The following PPM1D variants were observed in gnomAD, a reference collection of about 807,000 sequenced individuals.
The protein encoded by PPM1D is protein phosphatase 1D.
A neutral mutation model predicts 58.3 loss-of-function variants in PPM1D; 52 were observed. The ratio of observed to expected loss-of-function variants is 0.89; its 90% confidence interval spans 0.71 to 1.12. PPM1D has a LOEUF of 1.12. Among genes scored for constraint, PPM1D ranks in the 50% most tolerant of loss-of-function variants. PPM1D has a pLI of 0.00. For missense variants in PPM1D, 564 were observed against 777.2 expected (o/e 0.73, Z 3.26); for synonymous variants, 278 against 285.1 (o/e 0.98, Z 0.25).
chr17:60,618,235 T>C (rs117896496), intron 1 of PPM1D, among the ~76,000 whole-genome samples: 1 of 152,344 alleles, frequency 6.6e-6, no homozygotes, highest in Non-Finnish European at 1.5e-5. Flanking sequence ...CACAGCCTCC[T>C]GAGCAGCTGG....
At chr17:60,601,983 A>G (rs180768542) in intron 1 of PPM1D, among the ~76,000 whole-genome samples, 169 of 152,370 alleles carry the variant, frequency 1.1e-3, no homozygotes, top group African/African-American at 3.9e-3. Context: ...GGATAGAGAC[A>G]TAGAGAAAAG....
chr17:60,646,009 A>T (rs2031244900), intron 3 of PPM1D, among the ~76,000 whole-genome samples: 1 of 152,022 alleles, frequency 6.6e-6, no homozygotes, highest in Non-Finnish European at 1.5e-5. Flanking sequence ...GCCTGTTGGT[A>T]TACACCTATA....
At position 60,654,872 on chromosome 17, in the gene PPM1D, A is replaced by G. The variant is rs536358678; in HGVS notation, c.1018-1727A>G. Reference sequence around the variant, plus strand: ...GACAAGAGCAAAACTCCATCTCAAAAAAAAAAAAAAGAAAGAAAAGAAAAG... The same window carrying G: ...GACAAGAGCAAAACTCCATCTCAAAGAAAAAAAAAAGAAAGAAAAGAAAAG... On this transcript the variant is annotated intron_variant, in intron 4 of 5. Transcript: ENST00000305921. 3.3e-5 allele frequency among the ~76,000 whole-genome samples: 5 copies of G among 151,772 alleles called. No homozygotes were observed. The South Asian group carries it at 1.0e-3, about 32-fold the overall frequency.
At chr17:60,628,529 C>G (rs2030856749) in intron 2 of PPM1D, among the ~76,000 whole-genome samples, 2 of 152,162 alleles carry the variant, frequency 1.3e-5, no homozygotes, top group Admixed American at 1.3e-4. Flanking sequence ...CCCACTTACT[C>G]CTGGCAACCA....
intron 2 of PPM1D, among the ~76,000 whole-genome samples, chr17:60,627,419 TTTTC>T (rs933516658): frequency 1.5e-4 from 22 of 150,188 alleles, no homozygotes; most frequent in Non-Finnish European, 2.8e-4. Flanking sequence ...CTAATTTTCT[TTTTC>T]TTTCTTTTTT....
chr17:60,657,161 G>T, intron 5 of PPM1D: 4 of 1,043,496 alleles, frequency 3.8e-6, no homozygotes, highest in Non-Finnish European at 4.9e-6. Context: ...TCGTAGCCCA[G>T]AAGTAGAGCT....
chr17:60,626,876 G>A (rs888110333), intron 2 of PPM1D, among the ~76,000 whole-genome samples: 1 of 152,018 alleles, frequency 6.6e-6, no homozygotes, highest in African/African-American at 2.4e-5. Context: ...TATCTTATGA[G>A]AAATATTGAA....
intron 1 of PPM1D, among the ~76,000 whole-genome samples, chr17:60,619,983 G>GTTTGTTTTGTTTTGTTTTGT: frequency 6.7e-6 from 1 of 149,542 alleles, no homozygotes; most frequent in African/African-American, 2.5e-5. Flanking sequence ...TTTTGTTTTT[G>GTTTGTTTTGTTTTGTTTTGT]TTTGTTTTGT....
At chr17:60,613,701 A>T (rs1019991556) in intron 1 of PPM1D, among the ~76,000 whole-genome samples, 4 of 152,188 alleles carry the variant, frequency 2.6e-5, no homozygotes, top group African/African-American at 9.7e-5. Flanking sequence ...CAGGCCCTGC[A>T]CTCGGAGCGG....
At chr17:60,627,857 C>T (rs1311595108) in intron 2 of PPM1D, among the ~76,000 whole-genome samples, 1 of 151,850 alleles carries the variant, frequency 6.6e-6, no homozygotes, top group African/African-American at 2.4e-5. Context: ...AGCCATTAGT[C>T]AGTCAATGAA....
At chr17:60,662,961 T>G (rs1476658271) in intron 5 of PPM1D, 34 bp from the exon 6 acceptor site, 3 of 1,546,506 alleles carry the variant, frequency 1.9e-6, no homozygotes, top group Non-Finnish European at 2.6e-6. Flanking sequence ...TGGGATAAAT[T>G]TTTTCTTATT....
At chr17:60,609,067 C>A (rs558589863) in intron 1 of PPM1D, among the ~76,000 whole-genome samples, 19 of 147,890 alleles carry the variant, frequency 1.3e-4, no homozygotes, top group Middle Eastern at 4.1e-3. Context: ...ATATCTTTAA[C>A]CAATATACAG....
intron 3 of PPM1D, among the ~76,000 whole-genome samples, chr17:60,645,480 G>A (rs1312526226): frequency 1.4e-5 from 2 of 142,858 alleles, no homozygotes; most frequent in Non-Finnish European, 3.0e-5. Flanking sequence ...GTGTGTGTGT[G>A]TGTGTGTGTG....
At chr17:60,655,379 C>T (rs1433593389) in intron 4 of PPM1D, among the ~76,000 whole-genome samples, 13 of 152,164 alleles carry the variant, frequency 8.5e-5, no homozygotes, top group African/African-American at 2.2e-4. Context: ...GACGGAGTCT[C>T]GCTCTGTCGC....
At chr17:60,637,319 T>G (rs2031044138) in intron 3 of PPM1D, among the ~76,000 whole-genome samples, 2 of 152,168 alleles carry the variant, frequency 1.3e-5, no homozygotes, top group Non-Finnish European at 2.9e-5. Flanking sequence ...TTGGTCAGGC[T>G]GGTCTCCAAC....
chr17:60,629,917 G>A (rs998910443), intron 2 of PPM1D, among the ~76,000 whole-genome samples: 1 of 152,048 alleles, frequency 6.6e-6, no homozygotes, highest in East Asian at 1.9e-4. Context: ...GCATGTTCCC[G>A]TAATCCCAGC....
intron 1 of PPM1D, among the ~76,000 whole-genome samples, chr17:60,601,473 T>A (rs1275051171): frequency 6.6e-6 from 1 of 152,228 alleles, no homozygotes; most frequent in Non-Finnish European, 1.5e-5. Context: ...GATGGTGAGA[T>A]GTTTTTAGGA....
At chr17:60,645,603 T>G (rs2031233057) in intron 3 of PPM1D, among the ~76,000 whole-genome samples, 1 of 140,546 alleles carries the variant, frequency 7.1e-6, no homozygotes, top group African/African-American at 2.8e-5. Flanking sequence ...TATATGTATA[T>G]ATATGTGTGT....
intron 2 of PPM1D, among the ~76,000 whole-genome samples, chr17:60,630,383 A>T (rs971798830): frequency 1.3e-5 from 2 of 152,120 alleles, no homozygotes; most frequent in South Asian, 2.1e-4. Context: ...ATTACCAAAA[A>T]CACCATCTGG....
Sources: allele counts gnomAD v4.1 joint callset (sites outside exome capture counted in the v4.1 genomes callset), GRCh38; gene constraint gnomAD v4.1.1; transcripts MANE v1.5; gene names NCBI Gene and HGNC (gene_info 2026-07-23, HGNC 2026-07-21).